ANAPC1: variants seen among roughly 807,000 people sequenced by gnomAD.
ANAPC1 encodes anaphase-promoting complex subunit 1.
Under a neutral mutation model 208.0 loss-of-function variants are expected in ANAPC1, and 36 were observed. The observed-to-expected ratio is 0.17, with a 90% CI of 0.13 to 0.23. ANAPC1 has a LOEUF of 0.23. Among genes scored for constraint, ANAPC1 ranks in the 10% least tolerant of loss-of-function variants. The pLI is 1.00. For synonymous variants in ANAPC1, 378 were observed against 695.2 expected (o/e 0.54, Z 7.18); for missense variants, 942 against 2,011.6 (o/e 0.47, Z 10.17).
chr2:111,849,727 T>G (rs1457292337), intron 14 of ANAPC1, among the ~76,000 whole-genome samples: 1 of 151,660 alleles, frequency 6.6e-6, no homozygotes, highest in Admixed American at 6.6e-5. Flanking sequence ...TTTCCACACA[T>G]ATACTGCCCT....
intron 44 of ANAPC1, 32 bp downstream of exon 44, chr2:111,780,267 T>C: frequency 3.1e-6 from 1 of 318,232 alleles, no homozygotes; most frequent in South Asian, 2.4e-5. Flanking sequence ...CAAATTCTAG[T>C]CCTGGGGCTC....
At chr2:111,867,183 G>T (rs1190172751) in intron 7 of ANAPC1, among the ~76,000 whole-genome samples, 1 of 152,038 alleles carries the variant, frequency 6.6e-6, no homozygotes, top group Non-Finnish European at 1.5e-5. Flanking sequence ...CCAGCTACTT[G>T]GGAGGCTGAA....
intron 46 of ANAPC1, among the ~76,000 whole-genome samples, chr2:111,775,849 G>A (rs1410580144): frequency 9.2e-5 from 14 of 152,258 alleles, no homozygotes; most frequent in Admixed American, 8.5e-4. Flanking sequence ...CCCCAAAAAT[G>A]AGGATAAAAA....
chr2:111,781,429 C>T (rs1450709922), intron 43 of ANAPC1, among the ~76,000 whole-genome samples: 1 of 151,868 alleles, frequency 6.6e-6, no homozygotes, highest in Non-Finnish European at 1.5e-5. Context: ...CAATGTCAAC[C>T]CTGGGAACTA....
chr2:111,877,133 G>A (rs1484918317), intron 3 of ANAPC1, among the ~76,000 whole-genome samples: 2 of 150,260 alleles, frequency 1.3e-5, no homozygotes, highest in African/African-American at 4.9e-5. Flanking sequence ...AAATAAAGAT[G>A]TTCTCCTATA....
intron 18 of ANAPC1, among the ~76,000 whole-genome samples, chr2:111,837,255 A>G (rs1407974101): frequency 6.6e-6 from 1 of 152,244 alleles, no homozygotes; most frequent in Non-Finnish European, 1.5e-5. Context: ...AAGTTCTAGA[A>G]CAGGTATAAC....
intron 34 of ANAPC1, among the ~76,000 whole-genome samples, chr2:111,799,029 A>T (rs1048064658): frequency 4.6e-5 from 7 of 150,808 alleles, no homozygotes; most frequent in Non-Finnish European, 8.9e-5. Flanking sequence ...GCAAGACTCC[A>T]TCTCAAAAAA....
chr2:111,777,243 C>A (rs1314339951), intron 45 of ANAPC1, among the ~76,000 whole-genome samples, 186 bp from the exon 46 acceptor site: 4 of 152,114 alleles, frequency 2.6e-5, no homozygotes, highest in African/African-American at 9.7e-5. Context: ...CATGGCTCAC[C>A]TCCTTCAATA....
chr2:111,842,626 G>C (rs1248713596), intron 17 of ANAPC1, among the ~76,000 whole-genome samples: 1 of 143,598 alleles, frequency 7.0e-6, no homozygotes, highest in Non-Finnish European at 1.5e-5. Context: ...CTGGGCGACA[G>C]AGCGACATTC....
In ANAPC1 at chr2:111,880,746, T is replaced by C. The variant is rs1428560212; in HGVS notation, c.80A>G (p.His27Arg). The stretch of plus-strand genomic sequence containing the variant: ...CAAAGCATTAGGGTGGTGCTTGCAG[T>C]GGTCTCGACCAAAAGGAACAAATTC... ...LQEFVPFGRD[H>R]CKHHPNALNL... The change falls in exon 2 of 48, where the codon CAC (histidine) becomes CGC (arginine). Residue 27 changes from histidine (H) to arginine (R), a missense_variant. Physicochemically the swap from His to Arg is conservative, Grantham distance 29 (BLOSUM62 0). Coordinates refer to ENST00000341068, the MANE Select transcript of ANAPC1 (RefSeq NM_022662.4). 4 of 1,613,848 alleles carry C rather than the reference T, an allele frequency of 2.5e-6. No homozygotes were observed. Among genetic ancestry groups the C allele is most frequent in the Admixed American group, 1.7e-5 (1 of 59,976 alleles).
intron 39 of ANAPC1, among the ~76,000 whole-genome samples, chr2:111,785,713 G>A (rs1425308973): frequency 6.6e-6 from 1 of 152,070 alleles, no homozygotes; most frequent in Non-Finnish European, 1.5e-5. Flanking sequence ...TCACAGTGAA[G>A]AGGTTTTACA....
chr2:111,851,106 AT>A lies in ANAPC1; in HGVS notation c.1516-197del, dbSNP rs112848714. On this transcript the variant is annotated intron_variant, in intron 13 of 47. Coordinates refer to ENST00000341068, the MANE Select transcript of ANAPC1 (RefSeq NM_022662.4). ...ATCCAACTGCAAATATGTTGGTATA[AT>A]TTTTTTTTTTTTTGAGATAAGATCT... Among the ~76,000 whole-genome samples the A allele has an allele frequency of 9.2e-3, 1,342 of 146,280 alleles. 21 individuals carry two copies. The highest frequency in any genetic ancestry group is 0.025 in the African/African-American group (987 of 40,240).
chr2:111,783,598 A>T (rs1307207740), intron 42 of ANAPC1, among the ~76,000 whole-genome samples: 3 of 152,130 alleles, frequency 2.0e-5, no homozygotes, highest in African/African-American at 7.2e-5. Flanking sequence ...CACTTTCTTA[A>T]ACTAAATCTT....
chr2:111,784,014 C>T (rs762112964), intron 41 of ANAPC1, 50 bp from the exon 42 acceptor site: 26 of 696,834 alleles, frequency 3.7e-5, no homozygotes, highest in Non-Finnish European at 2.0e-5. Context: ...AAAATATGCT[C>T]ATCTGACAAA....
chr2:111,787,195 G>T (rs1272431339), intron 39 of ANAPC1, among the ~76,000 whole-genome samples: 1 of 150,970 alleles, frequency 6.6e-6, no homozygotes, highest in Admixed American at 6.6e-5. Flanking sequence ...AAATGGCTTC[G>T]TTTACAATAG....
chr2:111,833,119 G>T, intron 20 of ANAPC1, 101 bp downstream of exon 20: 1 of 1,412,246 alleles, frequency 7.1e-7, no homozygotes, highest in Non-Finnish European at 9.4e-7. Context: ...CCCTGACTTA[G>T]AAGCTAATGG....
Position 111,831,455 on chromosome 2 carries a change from T to C in ANAPC1, c.2477-21A>G, listed in dbSNP as rs562236802. On this transcript the variant is annotated intron_variant, in intron 20 of 47. Coordinates refer to ENST00000341068, the MANE Select transcript of ANAPC1 (RefSeq NM_022662.4). ...TTGACCTTTAAAATTAGATAAATAT[T>C]CAAAAAGACACGAAAATACATTAAG... The C allele has an allele frequency of 2.8e-5, 43 of 1,553,388 alleles. No individual in the cohort carries two copies. In the East Asian group the frequency reaches 9.4e-4, roughly 34 times the overall value.
At chr2:111,798,840 T>C (rs1281460492) in intron 34 of ANAPC1, among the ~76,000 whole-genome samples, 1 of 152,194 alleles carries the variant, frequency 6.6e-6, no homozygotes, top group African/African-American at 2.4e-5. Flanking sequence ...CGAGACCATC[T>C]TGGCTAACAC....
chr2:111,849,954 G>C (rs1211557623), intron 14 of ANAPC1, among the ~76,000 whole-genome samples: 4 of 151,752 alleles, frequency 2.6e-5, no homozygotes, highest in Admixed American at 6.6e-5. Context: ...TAGTAAGAGT[G>C]TAAATCCCAG....
Sources: allele counts gnomAD v4.1 joint callset (sites outside exome capture counted in the v4.1 genomes callset), GRCh38; gene constraint gnomAD v4.1.1; transcripts MANE v1.5; gene names NCBI Gene and HGNC (gene_info 2026-07-23, HGNC 2026-07-21).